Variants in CSMD1 observed in about 807,000 individuals in gnomAD.
The protein encoded by CSMD1 is CUB and sushi domain-containing protein 1.
Under a neutral mutation model 417.5 loss-of-function variants are expected in CSMD1, and 213 were observed. The observed-to-expected ratio is 0.51, with a 90% CI of 0.46 to 0.57. The LOEUF is 0.57. Among genes scored for constraint, CSMD1 ranks in the 20% least tolerant of loss-of-function variants. CSMD1 has a pLI of 0.00. For missense variants in CSMD1, 6,923 were observed against 4,529.7 expected (o/e 1.53, Z -15.17); for synonymous variants, 2,862 against 1,736.8 (o/e 1.65, Z -16.11).
At chr8:3,666,982 A>C (rs1798726183) in intron 7 of CSMD1, among the ~76,000 whole-genome samples, 1 of 152,206 alleles carries the variant, frequency 6.6e-6, no homozygotes, top group Admixed American at 6.5e-5. Flanking sequence ...AAGAGCTCGA[A>C]TTTTAGCAGA....
chr8:2,986,624 T>C (rs148707313), intron 54 of CSMD1, among the ~76,000 whole-genome samples: 2 of 151,872 alleles, frequency 1.3e-5, no homozygotes, highest in Non-Finnish European at 2.9e-5. Context: ...CCTGCCTCAG[T>C]CTCCCGAGTA....
chr8:3,252,064 G>A (rs142609618), intron 26 of CSMD1, among the ~76,000 whole-genome samples: 1,663 of 151,862 alleles, frequency 0.011, 18 homozygotes, highest in Middle Eastern at 0.034. Context: ...ATTTCCTTCT[G>A]CCTGATTGCC....
chr8:3,334,709 T>G (rs1397122814), intron 23 of CSMD1, among the ~76,000 whole-genome samples: 1 of 152,220 alleles, frequency 6.6e-6, no homozygotes, highest in Non-Finnish European at 1.5e-5. Flanking sequence ...CGGCTGCAAA[T>G]GGATGGGCCA....
rs78812441 is a variant in CSMD1, at chr8:4,625,615, G to A, written c.302+11727C>T. 1.3e-3 allele frequency among the ~76,000 whole-genome samples: 191 copies of A among 151,888 alleles called. 3 individuals carry two copies. In the East Asian group the frequency reaches 0.035, roughly 27 times the overall value. ...CAAATACAAAGTCACAACATATCCC[G>A]TGCATTTACATTTTAGAAATATTTA... On this transcript the variant is annotated intron_variant, in intron 2 of 69. Coordinates refer to ENST00000635120, the MANE Select transcript of CSMD1 (RefSeq NM_033225.6).
At chr8:3,511,937 A>C (rs374876588) in intron 10 of CSMD1, among the ~76,000 whole-genome samples, 1 of 150,564 alleles carries the variant, frequency 6.6e-6, no homozygotes, top group East Asian at 1.9e-4. Flanking sequence ...TTATATGATG[A>C]TTTTTGGTAA....
chr8:3,811,148 A>G (rs1801051302), intron 5 of CSMD1, among the ~76,000 whole-genome samples: 1 of 152,164 alleles, frequency 6.6e-6, no homozygotes, highest in African/African-American at 2.4e-5. Flanking sequence ...CTATGATATT[A>G]AATATCCAAC....
intron 12 of CSMD1, among the ~76,000 whole-genome samples, chr8:3,426,030 A>C (rs1813816660): frequency 6.6e-6 from 1 of 152,236 alleles, no homozygotes; most frequent in Non-Finnish European, 1.5e-5. Flanking sequence ...TATTTAAAAA[A>C]AATCTGTGCC....
chr8:4,548,231 A>G (rs968514332), intron 2 of CSMD1, among the ~76,000 whole-genome samples: 9 of 152,208 alleles, frequency 5.9e-5, no homozygotes, highest in African/African-American at 1.7e-4. Flanking sequence ...TAAAAAATGT[A>G]CGTTGAGTGC....
At chr8:3,658,833 G>C (rs1020362237) in intron 7 of CSMD1, among the ~76,000 whole-genome samples, 4 of 152,070 alleles carry the variant, frequency 2.6e-5, no homozygotes, top group African/African-American at 7.2e-5. Context: ...TTGAATTATG[G>C]TTAATAACAT....
At chr8:4,941,607 T>TA (rs1481133866) in intron 1 of CSMD1, among the ~76,000 whole-genome samples, 1 of 151,884 alleles carries the variant, frequency 6.6e-6, no homozygotes, top group Non-Finnish European at 1.5e-5. Flanking sequence ...TTTTAATTTT[T>TA]ATTTTTTTTG....
Position 3,748,827 on chromosome 8 carries a change from A to G in CSMD1, c.931+5103T>C, listed in dbSNP as rs868185375. ...GGAAAATCAATAGTTATAGGGAACTATAACCTAAAAACAAACTAATTATTT... is the reference window on the plus strand; with the variant it reads ...GGAAAATCAATAGTTATAGGGAACTGTAACCTAAAAACAAACTAATTATTT... On this transcript the variant is annotated intron_variant, in intron 6 of 69. Coordinates refer to ENST00000635120, the MANE Select transcript of CSMD1 (RefSeq NM_033225.6). 3.3e-5 allele frequency among the ~76,000 whole-genome samples: 5 copies of G among 152,356 alleles called. No individual in the cohort carries two copies. In the South Asian group the frequency reaches 6.2e-4, roughly 19 times the overall value.
At chr8:4,080,896 G>A (rs759722249) in intron 3 of CSMD1, among the ~76,000 whole-genome samples, 9 of 152,186 alleles carry the variant, frequency 5.9e-5, no homozygotes, top group Non-Finnish European at 4.4e-5. Context: ...GACCCAAGGT[G>A]ATAGTATTAA....
chr8:3,522,055 T>C (rs1192884147), intron 10 of CSMD1, among the ~76,000 whole-genome samples: 2 of 152,230 alleles, frequency 1.3e-5, no homozygotes, highest in Admixed American at 1.3e-4. Flanking sequence ...GTGAATAATT[T>C]TTCTCCTTAT....
intron 10 of CSMD1, among the ~76,000 whole-genome samples, chr8:3,524,119 G>T (rs1466496241): frequency 7.4e-6 from 1 of 135,856 alleles, no homozygotes; most frequent in Admixed American, 7.4e-5. Flanking sequence ...ATGGACATAT[G>T]TGCACATACA....
At chr8:2,996,633 TA>T (rs1806923423) in intron 54 of CSMD1, among the ~76,000 whole-genome samples, 1 of 152,216 alleles carries the variant, frequency 6.6e-6, no homozygotes, top group Non-Finnish European at 1.5e-5. Flanking sequence ...CCATACTTCC[TA>T]AAACACCACT....
At chr8:4,018,112 T>C (rs1796611385) in intron 4 of CSMD1, among the ~76,000 whole-genome samples, 1 of 152,240 alleles carries the variant, frequency 6.6e-6, no homozygotes, top group South Asian at 2.1e-4. Context: ...TGGCATAAAG[T>C]ATCCTACAAA....
intron 3 of CSMD1, among the ~76,000 whole-genome samples, chr8:4,055,645 A>G (rs557799073): frequency 2.7e-4 from 41 of 152,256 alleles, no homozygotes; most frequent in African/African-American, 9.6e-4. Flanking sequence ...ATTAAAACAG[A>G]AACTGTTTAA....
chr8:3,744,080 G>A (rs1796945554), intron 6 of CSMD1, among the ~76,000 whole-genome samples: 1 of 152,168 alleles, frequency 6.6e-6, no homozygotes, highest in Admixed American at 6.6e-5. Context: ...ACATAGACCT[G>A]TCTCCCCAGC....
At chr8:4,882,604 G>A (rs1803484978) in intron 1 of CSMD1, among the ~76,000 whole-genome samples, 1 of 151,944 alleles carries the variant, frequency 6.6e-6, no homozygotes, top group East Asian at 1.9e-4. Flanking sequence ...AGAGAAAGAT[G>A]CAATGAGGTA....
Sources: gnomAD v4.1 joint callset for allele counts (sites outside exome capture counted in the v4.1 genomes callset) on GRCh38, gnomAD v4.1.1 for gene constraint, MANE v1.5 for transcripts, NCBI Gene and HGNC (gene_info 2026-07-23, HGNC 2026-07-21) for gene names.